Variants in MAGI2 observed in about 807,000 individuals in gnomAD.
MAGI2 encodes membrane associated guanylate kinase, WW and PDZ domain containing 2.
Under a neutral mutation model 133.3 loss-of-function variants are expected in MAGI2, and 35 were observed. That is an observed-to-expected ratio of 0.26 (90% confidence interval 0.20 to 0.35). The LOEUF is 0.35. MAGI2 is among the 10% of genes least tolerant of loss of function. The pLI is 1.00. For synonymous variants in MAGI2, 729 were observed against 710.6 expected (o/e 1.03, Z -0.41); for missense variants, 1,636 against 1,863.4 (o/e 0.88, Z 2.25).
At chr7:78,340,821 CT>C in intron 9 of MAGI2, among the ~76,000 whole-genome samples, 1 of 152,112 alleles carries the variant, frequency 6.6e-6, no homozygotes, top group East Asian at 1.9e-4. Flanking sequence ...ATAATAAGAG[CT>C]ATTTATGACA....
At chr7:78,347,945 T>C (rs1184542662) in intron 7 of MAGI2, among the ~76,000 whole-genome samples, 1 of 152,246 alleles carries the variant, frequency 6.6e-6, no homozygotes, top group Non-Finnish European at 1.5e-5. Context: ...ACTGCCACCC[T>C]GTTTTGGAAG....
intron 1 of MAGI2, among the ~76,000 whole-genome samples, chr7:79,286,338 A>G (rs1224155440): frequency 6.6e-6 from 1 of 152,064 alleles, no homozygotes; most frequent in Non-Finnish European, 1.5e-5. Context: ...TCCCCATTTA[A>G]CAGAAGGGGA....
intron 2 of MAGI2, among the ~76,000 whole-genome samples, chr7:78,885,921 T>C (rs1796226736): frequency 6.6e-6 from 1 of 152,168 alleles, no homozygotes; most frequent in Admixed American, 6.5e-5. Flanking sequence ...GAACAGACTG[T>C]GCCTGCTGAT....
chr7:78,900,290 A>G (rs1340100850), intron 2 of MAGI2, among the ~76,000 whole-genome samples: 1 of 152,046 alleles, frequency 6.6e-6, no homozygotes, highest in Admixed American at 6.6e-5. Context: ...TAAAACACAC[A>G]ATTTATCTTC....
intron 2 of MAGI2, among the ~76,000 whole-genome samples, chr7:78,972,005 T>C: frequency 6.6e-6 from 1 of 152,024 alleles, no homozygotes; most frequent in African/African-American, 2.4e-5. Flanking sequence ...CTTTCATACA[T>C]CACAAAAAAT....
At chr7:78,255,710 T>G in intron 10 of MAGI2, 1 of 609,012 alleles carries the variant, frequency 1.6e-6, no homozygotes, top group South Asian at 2.1e-5. Flanking sequence ...TCAATATGTC[T>G]GTAAGACTGA....
At position 78,456,017 on chromosome 7, in the gene MAGI2, C is replaced by T. The variant is rs116386434; in HGVS notation, c.1045+33744G>A. ...CAGCTCTCAGGGCCATCTTTGTCAA[C>T]TTGAGATGAAAGATGCACCTAGTCA... On this transcript the variant is annotated intron_variant, in intron 6 of 21. Transcript: ENST00000354212. Among the ~76,000 whole-genome samples the T allele has an allele frequency of 4.9e-3, 751 of 151,962 alleles. 5 individuals carry two copies. Among genetic ancestry groups the T allele is most frequent in the African/African-American group, 0.017 (706 of 41,438 alleles).
chr7:79,351,224 T>C (rs908157304), intron 1 of MAGI2, among the ~76,000 whole-genome samples: 3 of 152,128 alleles, frequency 2.0e-5, no homozygotes, highest in Non-Finnish European at 4.4e-5. Context: ...TATTGTAGGG[T>C]TAAAGAATTT....
chr7:78,845,413 G>T (rs1399476248), intron 2 of MAGI2, among the ~76,000 whole-genome samples: 2 of 151,756 alleles, frequency 1.3e-5, no homozygotes, highest in Non-Finnish European at 2.9e-5. Flanking sequence ...GGGAGAGAAG[G>T]TCAGCTCTAA....
intron 2 of MAGI2, among the ~76,000 whole-genome samples, chr7:78,865,428 C>T (rs531079321): frequency 6.6e-6 from 1 of 152,062 alleles, no homozygotes; most frequent in Admixed American, 6.6e-5. Context: ...TGTTGATGGA[C>T]AGAAACAAAA....
chr7:79,155,250 T>G (rs967759112), intron 1 of MAGI2, among the ~76,000 whole-genome samples: 1 of 152,218 alleles, frequency 6.6e-6, no homozygotes, highest in Non-Finnish European at 1.5e-5. Flanking sequence ...TTTAAAGTCA[T>G]GAATAATCAA....
At chr7:78,664,882 A>T (rs1813375721) in intron 2 of MAGI2, among the ~76,000 whole-genome samples, 1 of 152,076 alleles carries the variant, frequency 6.6e-6, no homozygotes, top group South Asian at 2.1e-4. Context: ...ATAGTAAAAA[A>T]TACTAAAAAA....
At chr7:78,446,712 A>T (rs1201094933) in intron 6 of MAGI2, among the ~76,000 whole-genome samples, 1 of 37,910 alleles carries the variant, frequency 2.6e-5, no homozygotes, top group Non-Finnish European at 6.9e-5. Context: ...TAAAAGGTTC[A>T]TTAATACTCA....
At chr7:78,148,422 T>C (rs1176538382) in intron 16 of MAGI2, among the ~76,000 whole-genome samples, 1 of 152,014 alleles carries the variant, frequency 6.6e-6, no homozygotes, top group Non-Finnish European at 1.5e-5. Flanking sequence ...ACTAAACACA[T>C]CTGTCAAAAC....
intron 2 of MAGI2, among the ~76,000 whole-genome samples, chr7:78,652,074 C>T (rs889812183): frequency 3.3e-5 from 5 of 152,050 alleles, no homozygotes; most frequent in Non-Finnish European, 5.9e-5. Context: ...ACACAACTGT[C>T]GAATGAGTTA....
At chr7:78,938,638 A>G (rs1487599316) in intron 2 of MAGI2, among the ~76,000 whole-genome samples, 2 of 152,160 alleles carry the variant, frequency 1.3e-5, no homozygotes, top group Non-Finnish European at 2.9e-5. Flanking sequence ...ACTGAAATTT[A>G]CTAAATCCAA....
intron 2 of MAGI2, among the ~76,000 whole-genome samples, chr7:78,767,082 C>A (rs992712104): frequency 6.6e-6 from 1 of 152,014 alleles, no homozygotes; most frequent in Non-Finnish European, 1.5e-5. Flanking sequence ...CTCTGCCTCC[C>A]AGGTTCAAGC....
rs377672697 is a variant in MAGI2, at chr7:78,032,009, C to CTTTT, written c.3707-12037_3707-12034dup. Among the ~76,000 whole-genome samples the CTTTT allele has an allele frequency of 2.5e-3, 312 of 124,140 alleles. 3 individuals are homozygous for CTTTT. Among genetic ancestry groups the CTTTT allele is most frequent in the African/African-American group, 2.6e-3 (88 of 33,270 alleles). The allele number at this position is 124,140 out of a possible 152,430, so 81.4% of individuals were successfully genotyped here. A position where few individuals can be genotyped will look rare whatever the true frequency, so the allele number is the denominator to read the frequency against. On this transcript the variant is annotated intron_variant, in intron 21 of 21. Transcript: ENST00000354212. The stretch of plus-strand genomic sequence containing the variant: ...GTCCCCAGGGGACAAAGCCCCCCCA[C>CTTTT]TTTTTTTTTTTTTTTTTTTTTTACA...
chr7:78,700,989 A>G (rs1818011797), intron 2 of MAGI2, among the ~76,000 whole-genome samples: 2 of 150,580 alleles, frequency 1.3e-5, no homozygotes, highest in African/African-American at 4.8e-5. Context: ...TATTATAAAT[A>G]AAATATTAAA....
Sources: gnomAD v4.1 joint callset for allele counts (sites outside exome capture counted in the v4.1 genomes callset) on GRCh38, gnomAD v4.1.1 for gene constraint, MANE v1.5 for transcripts, NCBI Gene and HGNC (gene_info 2026-07-23, HGNC 2026-07-21) for gene names.